Variants in CAMK4 observed in about 807,000 individuals in gnomAD.
The protein encoded by CAMK4 is calcium/calmodulin dependent protein kinase IV, also known as calcium/calmodulin-dependent protein kinase type IV.
In CAMK4, 22 loss-of-function variants were observed where a neutral mutation model predicts 44.9. The ratio of observed to expected loss-of-function variants is 0.49; its 90% confidence interval spans 0.35 to 0.70. CAMK4 has a LOEUF of 0.70. Among genes scored for constraint, CAMK4 ranks in the 30% least tolerant of loss-of-function variants. The pLI, the probability that CAMK4 is intolerant of heterozygous loss-of-function variation, is 0.01. For synonymous variants in CAMK4, 218 were observed against 215.4 expected (o/e 1.01, Z -0.11); for missense variants, 498 against 586.8 (o/e 0.85, Z 1.56).
chr5:111,277,363 G>T (rs75345027), intron 1 of CAMK4, among the ~76,000 whole-genome samples: 1 of 152,178 alleles, frequency 6.6e-6, no homozygotes, highest in Non-Finnish European at 1.5e-5. Flanking sequence ...GGCATGTTAT[G>T]TCATAAAGCA....
chr5:111,280,958 T>G lies in CAMK4; in HGVS notation c.161+56314T>G, dbSNP rs1404195262. ...AGTTTTTGGAATCTTCTTTAGATTT[T>G]GCTGAGTTTCTGGGTGTGATTTGGC... is the stretch of plus-strand genomic sequence containing the variant. On this transcript the variant is annotated intron_variant, in intron 1 of 10. Coordinates refer to ENST00000282356, the MANE Select transcript of CAMK4 (RefSeq NM_001744.6). Among the ~76,000 whole-genome samples, 7 of 152,354 alleles carry G rather than the reference T, an allele frequency of 4.6e-5. No individual in the cohort carries two copies. The East Asian group carries it at 9.6e-4, about 21-fold the overall frequency.
intron 5 of CAMK4, among the ~76,000 whole-genome samples, chr5:111,439,715 A>G (rs967006500): frequency 1.3e-5 from 2 of 152,116 alleles, no homozygotes; most frequent in African/African-American, 2.4e-5. Flanking sequence ...ATAAGGGGTA[A>G]CTCAATTTGT....
chr5:111,239,544 T>G (rs1748894236), intron 1 of CAMK4, among the ~76,000 whole-genome samples: 2 of 152,162 alleles, frequency 1.3e-5, no homozygotes, highest in Admixed American at 1.3e-4. Flanking sequence ...AATATTAAGA[T>G]AAATGAAAAG....
chr5:111,474,768 G>A (rs1298124201), intron 8 of CAMK4, among the ~76,000 whole-genome samples: 3 of 152,160 alleles, frequency 2.0e-5, no homozygotes, highest in South Asian at 2.1e-4. Context: ...ATGGTTGATC[G>A]CCAAGACAGA....
At chr5:111,477,977 T>C (rs774566284) in intron 8 of CAMK4, among the ~76,000 whole-genome samples, 8 of 152,118 alleles carry the variant, frequency 5.3e-5, no homozygotes, top group Non-Finnish European at 7.4e-5. Flanking sequence ...TGGAAGTCTA[T>C]TCAATCTCTG....
In CAMK4 at chr5:111,402,947, C is replaced by T. The variant is rs536893023; in HGVS notation, c.459+8165C>T. ...GGATAAATACAGTTTCTCAATGTTT[C>T]GGTTTTAAATTATATGCCCTGTTAC... On this transcript the variant is annotated intron_variant, in intron 5 of 10. Coordinates refer to ENST00000282356, the MANE Select transcript of CAMK4 (RefSeq NM_001744.6). Among the ~76,000 whole-genome samples the T allele has an allele frequency of 1.3e-3, 199 of 152,292 alleles. 1 individual carries two copies. Among genetic ancestry groups the T allele is most frequent in the Non-Finnish European group, 2.4e-3 (165 of 68,022 alleles).
At chr5:111,379,002 T>C (rs80080758) in intron 4 of CAMK4, among the ~76,000 whole-genome samples, 2 of 118,214 alleles carry the variant, frequency 1.7e-5, no homozygotes, top group African/African-American at 6.1e-5. Context: ...TTAGCTGACT[T>C]TTTTATGGAT....
intron 5 of CAMK4, among the ~76,000 whole-genome samples, chr5:111,416,855 G>A (rs1235076521): frequency 6.6e-6 from 1 of 152,056 alleles, no homozygotes; most frequent in Non-Finnish European, 1.5e-5. Flanking sequence ...ATTATAAATT[G>A]TTAATAAATT....
chr5:111,323,590 G>GT (rs1285687886), intron 1 of CAMK4, among the ~76,000 whole-genome samples: 10 of 151,664 alleles, frequency 6.6e-5, no homozygotes, highest in Non-Finnish European at 5.9e-5. Context: ...AGAAGACAAT[G>GT]GAACAACACC....
At chr5:111,242,847 T>A (rs7722033) in intron 1 of CAMK4, among the ~76,000 whole-genome samples, 1,768 of 142,528 alleles carry the variant, frequency 0.012, 20 homozygotes, top group East Asian at 0.061. Context: ...CGCCCCCTCT[T>A]TCTACACCCC....
At chr5:111,344,459 T>A (rs1749789207) in intron 2 of CAMK4, among the ~76,000 whole-genome samples, 1 of 151,500 alleles carries the variant, frequency 6.6e-6, no homozygotes, top group Non-Finnish European at 1.5e-5. Flanking sequence ...ATATAATAAT[T>A]TCAATATTTA....
intron 1 of CAMK4, among the ~76,000 whole-genome samples, chr5:111,342,856 AG>A (rs1749700324): frequency 6.6e-6 from 1 of 151,638 alleles, no homozygotes; most frequent in Admixed American, 6.6e-5. Context: ...ATGTAGTATA[AG>A]GATTTAACAA....
intron 2 of CAMK4, among the ~76,000 whole-genome samples, chr5:111,358,419 A>T (rs747512537): frequency 6.6e-6 from 1 of 152,046 alleles, no homozygotes; most frequent in Non-Finnish European, 1.5e-5. Context: ...ATGTCACAGG[A>T]TAAATTCAGT....
At chr5:111,255,915 G>C (rs918288832) in intron 1 of CAMK4, among the ~76,000 whole-genome samples, 1 of 152,130 alleles carries the variant, frequency 6.6e-6, no homozygotes, top group African/African-American at 2.4e-5. Flanking sequence ...GAAATTAACT[G>C]TTTTTAAGGC....
At chr5:111,369,671 C>A (rs1245392107) in intron 2 of CAMK4, among the ~76,000 whole-genome samples, 1 of 152,076 alleles carries the variant, frequency 6.6e-6, no homozygotes, top group Non-Finnish European at 1.5e-5. Flanking sequence ...CCTCAGTATC[C>A]ATGGGAGATT....
intron 2 of CAMK4, among the ~76,000 whole-genome samples, chr5:111,362,439 G>T (rs1330733570): frequency 7.8e-6 from 1 of 128,952 alleles, no homozygotes; most frequent in African/African-American, 2.5e-5. Flanking sequence ...ATGTTTTTGT[G>T]TAAAAGATAA....
chr5:111,406,286 T>C (rs1191432177), intron 5 of CAMK4, among the ~76,000 whole-genome samples: 1 of 151,598 alleles, frequency 6.6e-6, no homozygotes, highest in African/African-American at 2.4e-5. Flanking sequence ...AGTGGTGTGA[T>C]ATTTTGGCTC....
At chr5:111,296,594 C>T (rs953022655) in intron 1 of CAMK4, among the ~76,000 whole-genome samples, 2 of 152,130 alleles carry the variant, frequency 1.3e-5, no homozygotes, top group African/African-American at 2.4e-5. Flanking sequence ...GCCAAATATT[C>T]ATATAAATAG....
rs1554069624 is a variant in CAMK4, at chr5:111,415,845, A to AAATAAAAAAC, written c.459+21067_459+21076dup. 7.2e-5 allele frequency among the ~76,000 whole-genome samples: 11 copies of AAATAAAAAAC among 152,272 alleles called. No homozygotes were observed. The South Asian group carries it at 2.3e-3, about 32-fold the overall frequency. On this transcript the variant is annotated intron_variant, in intron 5 of 10. Transcript: ENST00000282356. ...AAAAAATAATAAAGAATAACAAAAT[A>AAATAAAAAAC]AATAAAAAACAATGCAGTATAACAA...
Sources: allele counts gnomAD v4.1 joint callset (sites outside exome capture counted in the v4.1 genomes callset), GRCh38; gene constraint gnomAD v4.1.1; transcripts MANE v1.5; gene names NCBI Gene and HGNC (gene_info 2026-07-23, HGNC 2026-07-21).